KALRN: variants seen among roughly 807,000 people sequenced by gnomAD.
The protein encoded by KALRN is kalirin.
KALRN carries 70 observed loss-of-function variants against 353.7 expected under a neutral mutation model. That is an observed-to-expected ratio of 0.20 (90% confidence interval 0.16 to 0.24). The LOEUF (loss-of-function observed/expected upper bound fraction) is 0.24, where lower values mean the gene tolerates loss of function less well. Among genes scored for constraint, KALRN ranks in the 10% least tolerant of loss-of-function variants. The pLI is 1.00. For missense variants in KALRN, 2,791 were observed against 3,756.7 expected, an observed-to-expected ratio of 0.74 and a Z score of 6.72; for synonymous variants, 1,391 against 1,434.8, an observed-to-expected ratio of 0.97 and a Z score of 0.69.
chr3:124,267,396 T>C (rs1475312243), intron 4 of KALRN, among the ~76,000 whole-genome samples: 1 of 152,210 alleles, frequency 6.6e-6, no homozygotes, highest in African/African-American at 2.4e-5. Context: ...CAAGCTCCCA[T>C]GTGATGCCAA....
intron 21 of KALRN, among the ~76,000 whole-genome samples, chr3:124,454,690 G>A (rs916652203): frequency 4.0e-5 from 6 of 151,568 alleles, no homozygotes; most frequent in African/African-American, 1.5e-4. Flanking sequence ...TCAAATGGAT[G>A]GTTGTGCCTG....
intron 37 of KALRN, among the ~76,000 whole-genome samples, chr3:124,646,777 T>C (rs114638702): frequency 0.011 from 1,739 of 151,606 alleles, 34 homozygotes; most frequent in African/African-American, 0.04. Context: ...TTTGGAAAAA[T>C]GACGAGTATA....
intron 34 of KALRN, among the ~76,000 whole-genome samples, chr3:124,612,820 A>G (rs2078153439): frequency 6.6e-6 from 1 of 152,192 alleles, no homozygotes; most frequent in Non-Finnish European, 1.5e-5. Flanking sequence ...TATAGGAAGC[A>G]CTCAACAAGC....
Position 124,257,781 on chromosome 3 carries a change from G to A in KALRN, c.264-6717G>A, listed in dbSNP as rs558104812. The stretch of plus-strand genomic sequence containing the variant: ...GTAGCAGGTGTGGGAACAGGAAGGG[G>A]GTCACCCACTGTTCTTTCCCCTCCT... On this transcript the variant is annotated intron_variant, in intron 3 of 59. Coordinates refer to ENST00000682506, the MANE Select transcript of KALRN (RefSeq NM_001388419.1). Among the ~76,000 whole-genome samples, 8 of 152,116 alleles carry A rather than the reference G, an allele frequency of 5.3e-5. No homozygotes were observed. In the South Asian group the frequency reaches 1.7e-3, roughly 32 times the overall value.
intron 1 of KALRN, among the ~76,000 whole-genome samples, chr3:124,226,253 A>C (rs1052203711): frequency 6.6e-6 from 1 of 152,220 alleles, no homozygotes; most frequent in African/African-American, 2.4e-5. Context: ...GTAATAATTT[A>C]TATTGATCCT....
At chr3:124,509,468 A>G (rs1413558028) in intron 33 of KALRN, among the ~76,000 whole-genome samples, 1 of 152,188 alleles carries the variant, frequency 6.6e-6, no homozygotes, top group African/African-American at 2.4e-5. Flanking sequence ...TCGGCCTCCC[A>G]AAGTGCTGGG....
intron 33 of KALRN, among the ~76,000 whole-genome samples, chr3:124,528,036 G>A (rs2067737022): frequency 6.6e-6 from 1 of 152,222 alleles, no homozygotes; most frequent in Non-Finnish European, 1.5e-5. Context: ...TCTGAATAGT[G>A]TGACAGGTAT....
intron 13 of KALRN, among the ~76,000 whole-genome samples, chr3:124,400,851 ACTT>A (rs2090767139): frequency 1.3e-5 from 2 of 152,130 alleles, no homozygotes; most frequent in Admixed American, 6.5e-5. Context: ...TTGCTGTTGT[ACTT>A]CTTATTTACT....
chr3:124,717,591 A>G (rs966664808), intron 59 of KALRN, among the ~76,000 whole-genome samples: 4 of 151,732 alleles, frequency 2.6e-5, no homozygotes, highest in African/African-American at 4.8e-5. Context: ...AGCAACTTGG[A>G]AGGCTGAGGC....
chr3:124,519,042 C>T (rs1406709953), intron 33 of KALRN: 1 of 986,040 alleles, frequency 1.0e-6, no homozygotes, highest in Non-Finnish European at 1.2e-6. Context: ...CTGGCAACAA[C>T]CACTTCCTCA....
At chr3:124,320,222 A>C (rs1235776724) in intron 6 of KALRN, among the ~76,000 whole-genome samples, 3 of 152,196 alleles carry the variant, frequency 2.0e-5, no homozygotes, top group African/African-American at 4.8e-5. Flanking sequence ...TGGAAAGTCA[A>C]GGTCTCAAGA....
intron 1 of KALRN, among the ~76,000 whole-genome samples, chr3:124,037,109 C>A (rs540664965): frequency 1.3e-5 from 2 of 152,338 alleles, no homozygotes; most frequent in African/African-American, 4.8e-5. Flanking sequence ...AACCAATTGA[C>A]CAGCAATCAA....
chr3:124,373,925 G>C (rs1434723640), intron 10 of KALRN, among the ~76,000 whole-genome samples: 3 of 152,212 alleles, frequency 2.0e-5, no homozygotes, highest in East Asian at 3.8e-4. Context: ...TGTGAATGGT[G>C]TTACTGTTGA....
At chr3:124,191,929 T>C (rs920746718) in intron 1 of KALRN, among the ~76,000 whole-genome samples, 1 of 152,180 alleles carries the variant, frequency 6.6e-6, no homozygotes, top group Non-Finnish European at 1.5e-5. Context: ...AGGGAACAAT[T>C]TGTGGCCATT....
intron 33 of KALRN, chr3:124,519,657 C>T (rs187256992): frequency 3.1e-5 from 31 of 985,314 alleles, no homozygotes; most frequent in Non-Finnish European, 3.5e-5. Context: ...CTGAACTTTT[C>T]GAAGGAATCG....
intron 1 of KALRN, among the ~76,000 whole-genome samples, chr3:124,048,616 G>A (rs2040741536): frequency 6.6e-6 from 1 of 151,968 alleles, no homozygotes; most frequent in Non-Finnish European, 1.5e-5. Flanking sequence ...CGAGTAGCTG[G>A]GACTACAGGC....
chr3:124,452,421 C>A (rs2107506938), intron 21 of KALRN, among the ~76,000 whole-genome samples: 1 of 152,208 alleles, frequency 6.6e-6, no homozygotes, highest in African/African-American at 2.4e-5. Context: ...GGTTCATGGT[C>A]TAATGAAGGA....
At chr3:124,345,460 C>CTT (rs2082170317) in intron 9 of KALRN, among the ~76,000 whole-genome samples, 1 of 152,130 alleles carries the variant, frequency 6.6e-6, no homozygotes, top group Non-Finnish European at 1.5e-5. Context: ...GAAACGCAGG[C>CTT]TCTTCTAAGA....
At chr3:124,128,225 CATTT>C (rs2064900963) in intron 1 of KALRN, among the ~76,000 whole-genome samples, 2 of 152,290 alleles carry the variant, frequency 1.3e-5, no homozygotes, top group South Asian at 4.1e-4. Context: ...ACTATAGTCA[CATTT>C]ATCAGTGGAA....
Sources: gnomAD v4.1 joint callset for allele counts (sites outside exome capture counted in the v4.1 genomes callset) on GRCh38, gnomAD v4.1.1 for gene constraint, MANE v1.5 for transcripts, NCBI Gene and HGNC (gene_info 2026-07-23, HGNC 2026-07-21) for gene names.